The following SGCD variants were observed in gnomAD, a reference collection of about 807,000 sequenced individuals.
The protein encoded by SGCD is sarcoglycan delta, also known as delta-sarcoglycan.
Under a neutral mutation model 36.6 loss-of-function variants are expected in SGCD, and 18 were observed. The observed-to-expected ratio is 0.49, with a 90% CI of 0.34 to 0.73. The LOEUF (loss-of-function observed/expected upper bound fraction) is 0.73. Among genes scored for constraint, SGCD ranks in the 30% least tolerant of loss-of-function variants. The pLI is 0.01. For missense variants in SGCD, 387 were observed against 346.7 expected, an observed-to-expected ratio of 1.12 and a Z score of -0.92; for synonymous variants, 133 against 130.6, an observed-to-expected ratio of 1.02 and a Z score of -0.12.
At chr5:156,647,133 G>C (rs938146349) in intron 6 of SGCD, among the ~76,000 whole-genome samples, 2 of 152,090 alleles carry the variant, frequency 1.3e-5, no homozygotes, top group African/African-American at 4.8e-5. Context: ...ATTTCCGGTT[G>C]GGTGACTATT....
At chr5:156,718,052 T>C (rs1434961194) in intron 7 of SGCD, among the ~76,000 whole-genome samples, 2 of 152,134 alleles carry the variant, frequency 1.3e-5, no homozygotes, top group African/African-American at 4.8e-5. Flanking sequence ...TCTTTCCAAG[T>C]GCAGCTCAAA....
Position 156,760,007 on chromosome 5 carries a change from A to T in SGCD, c.*617A>T, listed in dbSNP as rs1010688155. 2 of 152,182 alleles carry T rather than the reference A, an allele frequency of 1.3e-5. No individual in the cohort carries two copies. The highest frequency in any genetic ancestry group is 4.8e-5 in the African/African-American group (2 of 41,438). 9.4% of individuals were successfully genotyped at this position (152,182 alleles called of 1,614,324 possible). A position where few individuals can be genotyped will look rare whatever the true frequency, so the allele number is the denominator to read the frequency against. Reference sequence around the variant, plus strand: ...CTGGCCTACCTTGGCTACCAGACATATTGGGGTTTTTGTAGTTGAATGAAT... The same window carrying T: ...CTGGCCTACCTTGGCTACCAGACATTTTGGGGTTTTTGTAGTTGAATGAAT... On this transcript the variant is annotated 3_prime_UTR_variant, in exon 9 of 9. Coordinates refer to ENST00000337851, the MANE Select transcript of SGCD (RefSeq NM_000337.6).
intron 3 of SGCD, among the ~76,000 whole-genome samples, chr5:156,307,135 G>A (rs1767236834): frequency 6.6e-6 from 1 of 150,846 alleles, no homozygotes. Context: ...TCAACTTCCT[G>A]GGCCCAAGCA....
At chr5:156,150,287 C>T (rs1041227976) in intron 3 of SGCD, among the ~76,000 whole-genome samples, 3 of 148,794 alleles carry the variant, frequency 2.0e-5, no homozygotes, top group East Asian at 3.9e-4. Context: ...AACCCTCCTA[C>T]CCACATTATT....
At chr5:156,367,275 G>T (rs1353914350) in intron 3 of SGCD, among the ~76,000 whole-genome samples, 1 of 152,186 alleles carries the variant, frequency 6.6e-6, no homozygotes, top group African/African-American at 2.4e-5. Context: ...AAAGGGCATG[G>T]AGATATGAAT....
At chr5:155,820,439 T>C in the SGCD span, among the ~76,000 whole-genome samples, 1 of 151,984 alleles carries the variant, frequency 6.6e-6, no homozygotes, top group Non-Finnish European at 1.5e-5. Flanking sequence ...AGGGGTAAAT[T>C]GCTCGAGCTC....
chr5:155,930,936 A>G (rs1459955621), intron 1 of SGCD, among the ~76,000 whole-genome samples: 1 of 152,164 alleles, frequency 6.6e-6, no homozygotes, highest in Admixed American at 6.5e-5. Context: ...ATCAGGTTTT[A>G]TGTTAAGCCT....
intron 4 of SGCD, among the ~76,000 whole-genome samples, chr5:156,580,842 G>A (rs1036753959): frequency 2.6e-5 from 4 of 152,036 alleles, no homozygotes; most frequent in South Asian, 2.1e-4. Context: ...TGATGGGTTC[G>A]AACATCCTCC....
intron 1 of SGCD, among the ~76,000 whole-genome samples, chr5:156,068,354 T>A (rs1265289660): frequency 6.6e-6 from 1 of 151,902 alleles, no homozygotes; most frequent in Non-Finnish European, 1.5e-5. Flanking sequence ...TTCCCACTTA[T>A]GAGTGAGAAT....
rs185149435 is a variant in SGCD, at chr5:156,437,588, C to A, written c.193-71013C>A. 1.1e-3 allele frequency among the ~76,000 whole-genome samples: 168 copies of A among 152,240 alleles called. 1 individual carries two copies. The highest frequency in any genetic ancestry group is 3.9e-3 in the African/African-American group (164 of 41,554). ...GGGCTGTTTCAGTGCTGTGATTGAA[C>A]AATGCAAACAGTATTGCATTAGCAT... On this transcript the variant is annotated intron_variant, in intron 3 of 8. Transcript: ENST00000337851.
At chr5:155,838,061 C>T in the SGCD span, among the ~76,000 whole-genome samples, 37 of 152,098 alleles carry the variant, frequency 2.4e-4, no homozygotes, top group Middle Eastern at 3.4e-3. Flanking sequence ...CCGATGCTCC[C>T]TCCTCCTTTC....
In SGCD at chr5:156,463,917, C is replaced by T. The variant is rs183087044; in HGVS notation, c.193-44684C>T. On this transcript the variant is annotated intron_variant, in intron 3 of 8. Coordinates refer to ENST00000337851, the MANE Select transcript of SGCD (RefSeq NM_000337.6). Reference sequence around the variant, plus strand: ...GCTATAGTGAGCCATGATCCTGCCACTGCACTCTAGCCTGAGTAACAGAGC... The same window carrying T: ...GCTATAGTGAGCCATGATCCTGCCATTGCACTCTAGCCTGAGTAACAGAGC... 2.9e-3 allele frequency among the ~76,000 whole-genome samples: 446 copies of T among 152,280 alleles called. 4 individuals carry two copies. The highest frequency in any genetic ancestry group is 0.01 in the African/African-American group (429 of 41,558).
chr5:156,030,682 T>C (rs572913497), intron 1 of SGCD, among the ~76,000 whole-genome samples: 2 of 152,242 alleles, frequency 1.3e-5, no homozygotes, highest in African/African-American at 2.4e-5. Context: ...TTTGTTGTTC[T>C]GAGAAGGAAG....
the SGCD span, among the ~76,000 whole-genome samples, chr5:155,792,949 A>G: frequency 6.6e-6 from 1 of 152,206 alleles, no homozygotes; most frequent in Non-Finnish European, 1.5e-5. Flanking sequence ...AGACACATGC[A>G]CTTGTATGTT....
intron 3 of SGCD, among the ~76,000 whole-genome samples, chr5:156,215,555 A>G (rs936736932): frequency 6.6e-6 from 1 of 152,156 alleles, no homozygotes; most frequent in Non-Finnish European, 1.5e-5. Context: ...AAGACATACA[A>G]TAGGCTAACA....
At chr5:156,698,840 TAC>T (rs150929203) in intron 7 of SGCD, among the ~76,000 whole-genome samples, 4,489 of 139,978 alleles carry the variant, frequency 0.032, 92 homozygotes, top group South Asian at 0.058. Flanking sequence ...TAAATTAAAA[TAC>T]ACACACACAC....
chr5:156,498,661 A>T (rs932589258), intron 3 of SGCD, among the ~76,000 whole-genome samples: 3 of 152,230 alleles, frequency 2.0e-5, no homozygotes, highest in Non-Finnish European at 4.4e-5. Flanking sequence ...TTACTTATCC[A>T]TTCATCAGTT....
chr5:156,032,885 C>T (rs1759385937), intron 1 of SGCD, among the ~76,000 whole-genome samples: 1 of 151,520 alleles, frequency 6.6e-6, no homozygotes, highest in African/African-American at 2.4e-5. Flanking sequence ...GCCTGGACAA[C>T]ATAGGGAGAC....
chr5:156,442,923 G>GTGA (rs1185051724), intron 3 of SGCD, among the ~76,000 whole-genome samples: 1 of 152,154 alleles, frequency 6.6e-6, no homozygotes. Flanking sequence ...AACCGTAGCT[G>GTGA]TGATGGAGCA....
Sources: gnomAD v4.1 joint callset for allele counts (sites outside exome capture counted in the v4.1 genomes callset) on GRCh38, gnomAD v4.1.1 for gene constraint, MANE v1.5 for transcripts, NCBI Gene and HGNC (gene_info 2026-07-23, HGNC 2026-07-21) for gene names.